The following FAM185A variants were observed in gnomAD, a reference collection of about 807,000 sequenced individuals.
The protein encoded by FAM185A is family with sequence similarity 185 member A, also known as protein FAM185A.
Under a neutral mutation model 45.7 loss-of-function variants are expected in FAM185A, and 21 were observed. The ratio of observed to expected loss-of-function variants is 0.46; its 90% CI spans 0.33 to 0.66. The LOEUF (loss-of-function observed/expected upper bound fraction) is 0.66. FAM185A is among the 30% of genes least tolerant of loss of function. The pLI, the probability that FAM185A is intolerant of heterozygous loss-of-function variation, is 0.03. For missense variants in FAM185A, 305 were observed against 485.4 expected, an observed-to-expected ratio of 0.63 and a Z score of 3.49; for synonymous variants, 117 against 194.0, an observed-to-expected ratio of 0.60 and a Z score of 3.30.
the FAM185A span, among the ~76,000 whole-genome samples, chr7:102,840,358 C>T: frequency 6.6e-6 from 1 of 152,224 alleles, no homozygotes; most frequent in African/African-American, 2.4e-5. Context: ...ATAACCCACA[C>T]TTTTTACATT....
At chr7:102,808,155 C>T in intron 7 of FAM185A, 135 bp from the exon 8 acceptor site, 1 of 651,120 alleles carries the variant, frequency 1.5e-6, no homozygotes. Context: ...CTCTTTGCAA[C>T]TCCTGCCCAG....
the FAM185A span, among the ~76,000 whole-genome samples, chr7:102,826,724 CATA>C: frequency 1.9e-4 from 12 of 62,712 alleles, no homozygotes; most frequent in African/African-American, 5.5e-4. Flanking sequence ...GACCCTGTCT[CATA>C]TATATATATA....
the FAM185A span, among the ~76,000 whole-genome samples, chr7:102,824,785 C>CT: frequency 0.017 from 2,154 of 124,008 alleles, 72 homozygotes; most frequent in African/African-American, 0.056. Flanking sequence ...CATGCCCGGC[C>CT]TTTTTTTTTT....
In FAM185A at chr7:102,749,555, C is replaced by T. The variant is rs1342768063; in HGVS notation, c.348C>T (p.Asp116=). ...TGGAGGGCGGCGTGCGGGGCCTGGACGGCCTGCAGGTGAAGTACGACGAGG... is the reference window on the plus strand; with the variant it reads ...TGGAGGGCGGCGTGCGGGGCCTGGATGGCCTGCAGGTGAAGTACGACGAGG... The part of the protein sequence containing the change: ...CGVEGGVRGL[D]GLQVKYDEDL... Residue 116 remains aspartate (D), a synonymous_variant, in exon 1 of 8, where the codon GAC becomes GAT. Transcript: ENST00000413034. 3.9e-6 allele frequency: 6 copies of T among 1,521,438 alleles called. 1 individual carries two copies. The highest frequency in any genetic ancestry group is 2.6e-5 in the South Asian group (2 of 78,240). The allele number at this position is 1,521,438 out of a possible 1,614,324, so 94.2% of individuals were successfully genotyped here.
At chr7:102,844,967 T>A in the FAM185A span, among the ~76,000 whole-genome samples, 1 of 152,214 alleles carries the variant, frequency 6.6e-6, no homozygotes. Flanking sequence ...TACATAGGGC[T>A]AGGTGTAGAG....
chr7:102,776,873 A>C (rs1200375769), intron 5 of FAM185A, among the ~76,000 whole-genome samples: 1 of 151,838 alleles, frequency 6.6e-6, no homozygotes, highest in Non-Finnish European at 1.5e-5. Flanking sequence ...ATGAGGTAGA[A>C]TTCTTTGGTA....
the FAM185A span, among the ~76,000 whole-genome samples, chr7:102,825,318 G>C: frequency 3.9e-5 from 6 of 152,276 alleles, no homozygotes; most frequent in East Asian, 1.2e-3. Flanking sequence ...CTGTTATCAT[G>C]AGAGTGGGAC....
At chr7:102,793,350 T>A (rs1256121360) in intron 7 of FAM185A, among the ~76,000 whole-genome samples, 1 of 152,130 alleles carries the variant, frequency 6.6e-6, no homozygotes, top group African/African-American at 2.4e-5. Flanking sequence ...TAGCTGGGAC[T>A]ACAGGCGCCC....
At chr7:102,821,047 A>G in the FAM185A span, among the ~76,000 whole-genome samples, 1 of 152,232 alleles carries the variant, frequency 6.6e-6, no homozygotes, top group Non-Finnish European at 1.5e-5. Flanking sequence ...TATAATCAAA[A>G]AATTAGAAGC....
Position 102,792,741 on chromosome 7 carries a change from CATATACAACAT to C in FAM185A, c.1066+5274_1066+5284del, listed in dbSNP as rs552305391. ...TTTTAGTAAAACTGGAAATATAAAG[CATATACAACAT>C]AAATTCATTTGGGATAAAAATAAAC... is the stretch of plus-strand genomic sequence containing the variant. On this transcript the variant is annotated intron_variant, in intron 7 of 7. Coordinates refer to ENST00000413034, the MANE Select transcript of FAM185A (RefSeq NM_001145268.2). Among the ~76,000 whole-genome samples, 506 of 144,380 alleles carry C rather than the reference CATATACAACAT, an allele frequency of 3.5e-3. 1 individual carries two copies. The highest frequency in any genetic ancestry group is 6.2e-3 in the Non-Finnish European group (414 of 66,420). The allele number at this position is 144,380 out of a possible 152,430, so 94.7% of individuals were successfully genotyped here.
the FAM185A span, among the ~76,000 whole-genome samples, chr7:102,833,642 G>T: frequency 6.6e-6 from 1 of 150,898 alleles, no homozygotes; most frequent in Non-Finnish European, 1.5e-5. Flanking sequence ...AGGTTGCCCA[G>T]GCTGGTCTTG....
At chr7:102,810,194 G>A (rs1006278918), downstream of FAM185A, among the ~76,000 whole-genome samples, 1 of 152,058 alleles carries the variant, frequency 6.6e-6, no homozygotes, top group African/African-American at 2.4e-5. Context: ...GGCCTAAATC[G>A]CTTGGATTAT....
At chr7:102,847,750 A>G in the FAM185A span, among the ~76,000 whole-genome samples, 1 of 152,086 alleles carries the variant, frequency 6.6e-6, no homozygotes, top group African/African-American at 2.4e-5. Flanking sequence ...GCTGGTCTCA[A>G]ACTCCTGGCC....
At chr7:102,757,704 C>T in intron 2 of FAM185A, 150 bp from the exon 3 acceptor site, 3 of 1,093,828 alleles carry the variant, frequency 2.7e-6, no homozygotes, top group South Asian at 3.4e-5. Flanking sequence ...CAGTTGATGT[C>T]ATTATTCGAA....
intron 7 of FAM185A, among the ~76,000 whole-genome samples, chr7:102,802,578 A>G (rs1409914668): frequency 6.6e-6 from 1 of 152,230 alleles, no homozygotes; most frequent in Non-Finnish European, 1.5e-5. Flanking sequence ...ACAGCCCTAA[A>G]TGCGTACATC....
chr7:102,815,373 T>G, the FAM185A span, among the ~76,000 whole-genome samples: 3 of 152,240 alleles, frequency 2.0e-5, no homozygotes, highest in Non-Finnish European at 4.4e-5. Flanking sequence ...TGCATCTCCC[T>G]GAAACTCATC....
chr7:102,840,190 G>A, the FAM185A span, among the ~76,000 whole-genome samples: 2 of 152,180 alleles, frequency 1.3e-5, no homozygotes, highest in African/African-American at 4.8e-5. Context: ...ACCAGGAAAA[G>A]ACCAAAACAA....
the FAM185A span, among the ~76,000 whole-genome samples, chr7:102,848,832 C>T: frequency 6.6e-6 from 1 of 151,992 alleles, no homozygotes. Flanking sequence ...AGTCGCATTT[C>T]TACTAAAAAT....
Position 102,761,313 on chromosome 7 carries a change from T to C in FAM185A, c.695T>C (p.Val232Ala). Reference protein sequence around the residue: ...IDKLQGSSVTVSTEDGLLKAK... With the variant: ...IDKLQGSSVTASTEDGLLKAK... Reference sequence around the variant, plus strand: ...AAACTGCAGGGAAGTTCTGTTACTGTATCTACCGAAGATGGTTTGCTGAAA... The same window carrying C: ...AAACTGCAGGGAAGTTCTGTTACTGCATCTACCGAAGATGGTTTGCTGAAA... The change falls in exon 4 of 8, where the codon GTA (valine) becomes GCA (alanine). Residue 232 changes from valine to alanine, a missense_variant. By Grantham distance (64) the Val-to-Ala change is moderately conservative. Around this residue, in one of 5 missense-constraint regions of FAM185A, gnomAD observed 44 missense variants for 66.8 expected, o/e 0.66. Coordinates refer to ENST00000413034, the MANE Select transcript of FAM185A (RefSeq NM_001145268.2). 1 of 1,547,520 alleles carries C rather than the reference T, an allele frequency of 6.5e-7. No homozygotes were observed. The highest frequency in any genetic ancestry group is 1.4e-5 in the African/African-American group (1 of 72,812).
Sources: allele counts gnomAD v4.1 joint callset (sites outside exome capture counted in the v4.1 genomes callset), GRCh38; gene constraint gnomAD v4.1.1; regional missense constraint gnomAD v4.1.1; transcripts MANE v1.5; gene names NCBI Gene and HGNC (gene_info 2026-07-23, HGNC 2026-07-21).